AGTPBP1: variants seen among roughly 807,000 people sequenced by gnomAD.
AGTPBP1 encodes cytosolic carboxypeptidase 1.
A neutral mutation model predicts 143.9 loss-of-function variants in AGTPBP1; 70 were observed. The observed-to-expected ratio is 0.49, with a 90% CI of 0.40 to 0.59. AGTPBP1 has a LOEUF of 0.59. Among genes scored for constraint, AGTPBP1 ranks in the 20% least tolerant of loss-of-function variants. The pLI is 0.00. For synonymous variants in AGTPBP1, 463 were observed against 500.2 expected (o/e 0.93, Z 0.99); for missense variants, 1,229 against 1,464.5 (o/e 0.84, Z 2.62).
chr9:85,708,445 G>C (rs983249474), intron 2 of AGTPBP1, among the ~76,000 whole-genome samples: 6 of 152,184 alleles, frequency 3.9e-5, no homozygotes, highest in African/African-American at 1.4e-4. Flanking sequence ...GCCTACCATA[G>C]ACACAAATTA....
intron 8 of AGTPBP1, among the ~76,000 whole-genome samples, chr9:85,667,642 G>A (rs968489107): frequency 1.3e-5 from 2 of 151,824 alleles, no homozygotes; most frequent in African/African-American, 4.8e-5. Context: ...AAACAAACCA[G>A]AACCCCAAAT....
the AGTPBP1 span, among the ~76,000 whole-genome samples, chr9:85,787,150 T>A: frequency 6.6e-6 from 1 of 152,144 alleles, no homozygotes; most frequent in Admixed American, 6.5e-5. Context: ...ATGCTCACTG[T>A]TCTGTTTCTG....
the AGTPBP1 span, among the ~76,000 whole-genome samples, chr9:85,802,292 T>C: frequency 2.8e-3 from 428 of 152,196 alleles, no homozygotes; most frequent in African/African-American, 9.8e-3. Context: ...TTACCACTTC[T>C]GAAATTATAA....
chr9:85,633,800 G>A (rs1466748512), intron 13 of AGTPBP1, among the ~76,000 whole-genome samples: 2 of 151,914 alleles, frequency 1.3e-5, no homozygotes, highest in Non-Finnish European at 2.9e-5. Flanking sequence ...CATTTGTATA[G>A]GGGTAGAAAA....
At chr9:85,789,174 A>G in the AGTPBP1 span, among the ~76,000 whole-genome samples, 1 of 152,162 alleles carries the variant, frequency 6.6e-6, no homozygotes, top group African/African-American at 2.4e-5. Context: ...TCCTTTATAT[A>G]TATGACAGAT....
At chr9:85,559,890 TG>T (rs753372992) in intron 25 of AGTPBP1, among the ~76,000 whole-genome samples, 7 of 152,228 alleles carry the variant, frequency 4.6e-5, no homozygotes, top group Admixed American at 2.0e-4. Flanking sequence ...AACCCCACTG[TG>T]GGACTGTCTC....
the AGTPBP1 span, among the ~76,000 whole-genome samples, chr9:85,750,740 T>G: frequency 4.5e-4 from 69 of 152,306 alleles, no homozygotes; most frequent in African/African-American, 1.6e-3. Context: ...TGGCCCCTGA[T>G]GATGAAACCC....
the AGTPBP1 span, among the ~76,000 whole-genome samples, chr9:85,757,150 T>C: frequency 6.6e-6 from 1 of 152,194 alleles, no homozygotes; most frequent in African/African-American, 2.4e-5. Flanking sequence ...CACTGCAACC[T>C]CTGCCTCCTG....
chr9:85,658,428 T>C (rs1358772911), intron 9 of AGTPBP1, among the ~76,000 whole-genome samples: 2 of 152,094 alleles, frequency 1.3e-5, no homozygotes, highest in African/African-American at 4.8e-5. Flanking sequence ...TTATTAACCA[T>C]AGGGCACATT....
At chr9:85,692,611 G>C in intron 3 of AGTPBP1, 78 bp downstream of exon 3, 1 of 1,534,228 alleles carries the variant, frequency 6.5e-7, no homozygotes, top group African/African-American at 1.4e-5. Flanking sequence ...TCCATTATTA[G>C]AAGTTTGAAC....
chr9:85,634,193 CAAAAAAAAAAAAA>C (rs112565067), intron 13 of AGTPBP1, among the ~76,000 whole-genome samples: 1 of 56,320 alleles, frequency 1.8e-5, no homozygotes, highest in Admixed American at 2.0e-4. Flanking sequence ...GACTCTCTCT[CAAAAAAAAAAAAA>C]AAAAAAAAAA....
chr9:85,712,380 T>C, intron 2 of AGTPBP1, 122 bp downstream of exon 2: 1 of 466,526 alleles, frequency 2.1e-6, no homozygotes, highest in South Asian at 7.7e-5. Context: ...CATTTTTAAT[T>C]ACATAAATAT....
intron 25 of AGTPBP1, among the ~76,000 whole-genome samples, chr9:85,556,554 A>G (rs2132785533): frequency 6.6e-6 from 1 of 152,338 alleles, no homozygotes; most frequent in South Asian, 2.1e-4. Flanking sequence ...TAACTGGATT[A>G]TAAAATACAA....
rs191472072 is a variant in AGTPBP1 at position 85,622,633 on chromosome 9, T to C, written c.2016-1348A>G. On this transcript the variant is annotated intron_variant, in intron 14 of 25. Coordinates refer to ENST00000357081, the MANE Select transcript of AGTPBP1 (RefSeq NM_001330701.2). The stretch of plus-strand genomic sequence containing the variant: ...TATAAAAAATAACTCATTACTGACA[T>C]AGTAGTCTATCAGGAAAAAAAGATC... Among the ~76,000 whole-genome samples the C allele has an allele frequency of 1.4e-3, 213 of 152,282 alleles. 2 individuals are homozygous for C. The highest frequency in any genetic ancestry group is 4.8e-3 in the African/African-American group (198 of 41,580).
At chr9:85,739,355 G>A (rs1824057373) in intron 1 of AGTPBP1, among the ~76,000 whole-genome samples, 1 of 152,164 alleles carries the variant, frequency 6.6e-6, no homozygotes, top group Admixed American at 6.5e-5. Flanking sequence ...TCAGATAGTG[G>A]GGGACTTCAA....
At chr9:85,673,892 G>A (rs1372347955) in intron 6 of AGTPBP1, among the ~76,000 whole-genome samples, 1 of 151,990 alleles carries the variant, frequency 6.6e-6, no homozygotes, top group African/African-American at 2.4e-5. Flanking sequence ...AGGCTGAGGT[G>A]GGTGGATCAT....
chr9:85,559,787 C>T (rs1311094835), intron 25 of AGTPBP1, among the ~76,000 whole-genome samples: 1 of 152,138 alleles, frequency 6.6e-6, no homozygotes, highest in Non-Finnish European at 1.5e-5. Flanking sequence ...AAGTGGGTAG[C>T]ACAACAGTTC....
At chr9:85,728,074 CACAT>C (rs1248070907) in intron 1 of AGTPBP1, among the ~76,000 whole-genome samples, 22 of 141,484 alleles carry the variant, frequency 1.6e-4, no homozygotes, top group Admixed American at 6.3e-4. Context: ...CACACACACA[CACAT>C]ATTTACTTCA....
At chr9:85,631,597 G>A (rs895629646) in intron 14 of AGTPBP1, among the ~76,000 whole-genome samples, 4 of 152,066 alleles carry the variant, frequency 2.6e-5, no homozygotes, top group African/African-American at 9.7e-5. Context: ...GCCAACCAGT[G>A]GCACTAAACA....
Sources: allele counts gnomAD v4.1 joint callset (sites outside exome capture counted in the v4.1 genomes callset), GRCh38; gene constraint gnomAD v4.1.1; transcripts MANE v1.5; gene names NCBI Gene and HGNC (gene_info 2026-07-23, HGNC 2026-07-21).